Variants in PRKG1 observed in about 807,000 individuals in gnomAD.
PRKG1 encodes the protein cGMP-dependent protein kinase 1.
In PRKG1, 35 loss-of-function variants were observed where a neutral mutation model predicts 88.1. The ratio of observed to expected loss-of-function variants is 0.40; its 90% CI spans 0.30 to 0.53. PRKG1 has a LOEUF of 0.53. PRKG1 is among the 20% of genes least tolerant of loss of function. PRKG1 has a pLI of 0.59. For missense variants in PRKG1, 540 were observed against 839.8 expected (o/e 0.64, Z 4.41); for synonymous variants, 303 against 292.5 (o/e 1.04, Z -0.37).
Position 51,532,421 on chromosome 10 carries a change from C to T in PRKG1, c.592+64585C>T, listed in dbSNP as rs12247658. Among the ~76,000 whole-genome samples, 936 of 152,294 alleles carry T rather than the reference C, an allele frequency of 6.1e-3. 11 individuals are homozygous for T. Among genetic ancestry groups the T allele is most frequent in the African/African-American group, 0.021 (875 of 41,562 alleles). ...CCTGAAGTATGGGACTTCATGAAAG[C>T]GTGATTCCCTTTCATTCCAACTCCT... On this transcript the variant is annotated intron_variant, in intron 3 of 17. Coordinates refer to ENST00000373980, the MANE Select transcript of PRKG1 (RefSeq NM_006258.4).
intron 7 of PRKG1, among the ~76,000 whole-genome samples, chr10:52,111,398 A>AT (rs1847561310): frequency 6.6e-6 from 1 of 152,196 alleles, no homozygotes; most frequent in South Asian, 2.1e-4. Context: ...CTTTGTTGAC[A>AT]TTTTTACTCA....
chr10:52,084,570 A>T (rs1008226987), intron 7 of PRKG1, among the ~76,000 whole-genome samples: 1 of 151,976 alleles, frequency 6.6e-6, no homozygotes, highest in Admixed American at 6.6e-5. Context: ...TGATATAAAC[A>T]TGTGTTTTTA....
chr10:51,990,157 G>C (rs115941461), intron 5 of PRKG1, among the ~76,000 whole-genome samples: 2 of 152,026 alleles, frequency 1.3e-5, no homozygotes, highest in South Asian at 4.2e-4. Context: ...ATTTATTTCT[G>C]GGCTTTCTGT....
chr10:51,454,727 A>G (rs1012239822), intron 2 of PRKG1, among the ~76,000 whole-genome samples: 1 of 152,206 alleles, frequency 6.6e-6, no homozygotes, highest in Non-Finnish European at 1.5e-5. Context: ...AGATCTCATT[A>G]AACTTATTCA....
intron 9 of PRKG1, among the ~76,000 whole-genome samples, chr10:52,176,768 T>C (rs1448076400): frequency 6.6e-6 from 1 of 152,162 alleles, no homozygotes; most frequent in East Asian, 1.9e-4. Flanking sequence ...TATTTTATTG[T>C]AGCTATTGTA....
intron 7 of PRKG1, among the ~76,000 whole-genome samples, chr10:52,111,205 T>C (rs1322757851): frequency 1.3e-5 from 2 of 152,124 alleles, no homozygotes; most frequent in African/African-American, 4.8e-5. Context: ...CAGATGGAAG[T>C]GGAAAAAAAG....
At chr10:51,396,651 C>G (rs1016424395) in intron 2 of PRKG1, among the ~76,000 whole-genome samples, 1 of 152,162 alleles carries the variant, frequency 6.6e-6, no homozygotes, top group East Asian at 1.9e-4. Context: ...TTACCTTCAC[C>G]AAGGAGCTCC....
At chr10:51,269,765 C>A (rs1351009540) in intron 2 of PRKG1, among the ~76,000 whole-genome samples, 1 of 152,126 alleles carries the variant, frequency 6.6e-6, no homozygotes, top group South Asian at 2.1e-4. Context: ...GGGTACAGTA[C>A]ACACTGCTAG....
intron 8 of PRKG1, among the ~76,000 whole-genome samples, chr10:52,160,607 G>A (rs1838252047): frequency 6.6e-6 from 1 of 151,870 alleles, no homozygotes. Context: ...CCCCAAGAAG[G>A]ATGTCATGTT....
At chr10:51,155,790 T>C (rs1414286085) in intron 2 of PRKG1, among the ~76,000 whole-genome samples, 2 of 151,954 alleles carry the variant, frequency 1.3e-5, no homozygotes, top group Non-Finnish European at 2.9e-5. Context: ...AGATGGGACT[T>C]TTTTCTATTT....
At chr10:51,878,334 T>C (rs1409294071) in intron 4 of PRKG1, among the ~76,000 whole-genome samples, 1 of 152,126 alleles carries the variant, frequency 6.6e-6, no homozygotes, top group Non-Finnish European at 1.5e-5. Flanking sequence ...TGGCTCAATA[T>C]ACTATGTTGA....
intron 3 of PRKG1, among the ~76,000 whole-genome samples, chr10:51,732,397 G>A (rs1837136482): frequency 6.6e-6 from 1 of 152,134 alleles, no homozygotes; most frequent in Non-Finnish European, 1.5e-5. Context: ...AACATGAAAG[G>A]ATAGTAAATA....
At chr10:51,929,722 T>G (rs1842649799) in intron 5 of PRKG1, among the ~76,000 whole-genome samples, 1 of 152,158 alleles carries the variant, frequency 6.6e-6, no homozygotes. Flanking sequence ...TAAAATATGT[T>G]TATGAGAATT....
At chr10:51,182,649 A>G (rs1837378109) in intron 2 of PRKG1, among the ~76,000 whole-genome samples, 1 of 152,164 alleles carries the variant, frequency 6.6e-6, no homozygotes, top group Admixed American at 6.5e-5. Flanking sequence ...TATGGCAGGT[A>G]ATATAGATCT....
chr10:51,332,029 T>C (rs879305091), intron 2 of PRKG1, among the ~76,000 whole-genome samples: 21 of 152,208 alleles, frequency 1.4e-4, no homozygotes, highest in Non-Finnish European at 1.8e-4. Context: ...AATATTTCTT[T>C]GGTAAACATT....
intron 1 of PRKG1, among the ~76,000 whole-genome samples, chr10:51,037,472 AAAAC>A (rs1193470280): frequency 1.3e-5 from 2 of 151,530 alleles, no homozygotes; most frequent in East Asian, 2.0e-4. Flanking sequence ...AAAAAAACAA[AAAAC>A]AAACAAACAA....
In PRKG1 at chr10:52,166,234, C is replaced by CG. The variant is rs1445238107; in HGVS notation, c.1076+4271_1076+4272insG. Among the ~76,000 whole-genome samples, 420 of 55,692 alleles carry CG rather than the reference C, an allele frequency of 7.5e-3. 6 individuals are homozygous for CG. Among genetic ancestry groups the CG allele is most frequent in the African/African-American group, 0.044 (397 of 8,962 alleles). The allele number at this position is 55,692 out of a possible 152,430, so 36.5% of individuals were successfully genotyped here. On this transcript the variant is annotated intron_variant, in intron 9 of 17. Transcript: ENST00000373980. ...AATATGTATTCATTCATTTAATAAA[C>CG]ATTAGAAATTTACTTATGGTGAGTC...
chr10:51,220,380 A>G (rs879838977), intron 2 of PRKG1, among the ~76,000 whole-genome samples: 1 of 152,240 alleles, frequency 6.6e-6, no homozygotes. Flanking sequence ...CTAGGTTTCC[A>G]TGAATTTGTT....
At chr10:51,746,880 A>C (rs1837595293) in intron 3 of PRKG1, among the ~76,000 whole-genome samples, 1 of 152,158 alleles carries the variant, frequency 6.6e-6, no homozygotes, top group African/African-American at 2.4e-5. Context: ...TACGGCAACA[A>C]AATATTATTT....
Sources: allele counts gnomAD v4.1 joint callset (sites outside exome capture counted in the v4.1 genomes callset), GRCh38; gene constraint gnomAD v4.1.1; transcripts MANE v1.5; gene names NCBI Gene and HGNC (gene_info 2026-07-23, HGNC 2026-07-21).